Variants in RSRP1 observed in about 807,000 individuals in gnomAD.
RSRP1 encodes arginine and serine rich protein 1, also known as arginine/serine-rich protein 1.
In RSRP1, 37 loss-of-function variants were observed where a neutral mutation model predicts 33.0. The ratio of observed to expected loss-of-function variants is 1.12; its 90% CI spans 0.86 to 1.48. RSRP1 has a LOEUF of 1.48. Ranked by LOEUF, RSRP1 falls within the 40% of genes most tolerant of loss-of-function variation. RSRP1 has a pLI of 0.00. For synonymous variants in RSRP1, 167 were observed against 158.7 expected (o/e 1.05, Z -0.40); for missense variants, 402 against 385.3 (o/e 1.04, Z -0.36).
intron 1 of RSRP1, chr1:25,337,250 A>T (rs1428419039): frequency 6.6e-6 from 1 of 151,828 alleles, no homozygotes; most frequent in Admixed American, 6.6e-5. Flanking sequence ...CACCTCCCGG[A>T]CCGGCGGCTG....
At position 25,244,320 on chromosome 1, in the gene RSRP1, A is replaced by T. The variant is rs1285046776; in HGVS notation, c.673-687T>A. The T allele has an allele frequency of 1.9e-5, 25 of 1,287,850 alleles. No individual in the cohort carries two copies. In the South Asian group the frequency reaches 2.8e-4, roughly 15 times the overall value. 79.8% of individuals were successfully genotyped at this position (1,287,850 alleles called of 1,614,324 possible). A position where few individuals can be genotyped will look rare whatever the true frequency, so the allele number is the denominator to read the frequency against. On this transcript the variant is annotated intron_variant, in intron 3 of 4. Coordinates refer to ENST00000243189, the MANE Select transcript of RSRP1 (RefSeq NM_020317.5). ...TTTGCTTAGTTTAAAAATTGACTTT[A>T]ATACTTTATGCAAATAGTGCCTGTC...
In RSRP1 at chr1:25,287,395, T is replaced by C. The variant is rs1302769677; in HGVS notation, c.-66-40366A>G. 1.3e-4 allele frequency among the ~76,000 whole-genome samples: 17 copies of C among 135,234 alleles called. 3 individuals carry two copies. The highest frequency in any genetic ancestry group is 4.1e-4 in the African/African-American group (16 of 39,188). The allele number at this position is 135,234 out of a possible 152,430, so 88.7% of individuals were successfully genotyped here. A position where few individuals can be genotyped will look rare whatever the true frequency, so the allele number is the denominator to read the frequency against. On this transcript the variant is annotated intron_variant, in intron 1 of 1. Coordinates refer to the RSRP1 transcript ENST00000561867. Reference sequence around the variant, plus strand: ...GGAGAGAAGTCACTCGCAGCCTGAGTGAACTCCCCTGCCCCACCCCTGACT... The same window carrying C: ...GGAGAGAAGTCACTCGCAGCCTGAGCGAACTCCCCTGCCCCACCCCTGACT...
At position 25,290,862 on chromosome 1, in the gene RSRP1, G is replaced by C. The variant is rs768386497; in HGVS notation, c.-66-43833C>G. ...AAGCTCCATTTGGTGGGGTTTCCAG[G>C]GTTTTGAAAAATAAAGACAACCTGT... On this transcript the variant is annotated intron_variant, in intron 1 of 1. Coordinates refer to the RSRP1 transcript ENST00000561867. 186 of 1,328,554 alleles carry C rather than the reference G, an allele frequency of 1.4e-4. 50 individuals are homozygous for C. The highest frequency in any genetic ancestry group is 1.9e-4 in the Non-Finnish European group (181 of 934,402). 82.3% of individuals were successfully genotyped at this position (1,328,554 alleles called of 1,614,324 possible). A position where few individuals can be genotyped will look rare whatever the true frequency, so the allele number is the denominator to read the frequency against.
chr1:25,249,313 G>T (rs1245355832), upstream of RSRP1, among the ~76,000 whole-genome samples: 1 of 152,080 alleles, frequency 6.6e-6, no homozygotes, highest in African/African-American at 2.4e-5. Flanking sequence ...CAGTCAATGT[G>T]TGCCTAAAAA....
intron 4 of RSRP1, among the ~76,000 whole-genome samples, chr1:25,243,058 C>T (rs1638999846): frequency 6.6e-6 from 1 of 152,036 alleles, no homozygotes; most frequent in South Asian, 2.1e-4. Flanking sequence ...TGCACCACTA[C>T]ACTCCAGCCT....
chr1:25,302,662 A>G lies in RSRP1; in HGVS notation c.-67+35316T>C, dbSNP rs894003771. Among the ~76,000 whole-genome samples the G allele has an allele frequency of 6.2e-5, 8 of 130,080 alleles. 2 individuals carry two copies. The highest frequency in any genetic ancestry group is 1.1e-4 in the African/African-American group (4 of 37,628). 85.3% of individuals were successfully genotyped at this position (130,080 alleles called of 152,430 possible). ...CCCAGGAACAAGGCCCAGCTTATTG[A>G]AACTGGGCCCAGTCACACAGGGTGG... On this transcript the variant is annotated intron_variant, in intron 1 of 1. Coordinates refer to the RSRP1 transcript ENST00000561867.
At chr1:25,268,940 C>A (rs1296713571) in intron 1 of RSRP1, among the ~76,000 whole-genome samples, 1 of 100,492 alleles carries the variant, frequency 1.0e-5, no homozygotes. Flanking sequence ...AAGAGCAAAA[C>A]TTCATCTCAA....
intron 1 of RSRP1, among the ~76,000 whole-genome samples, chr1:25,322,448 C>A (rs867363609): frequency 7.6e-6 from 1 of 132,400 alleles, no homozygotes; most frequent in African/African-American, 2.6e-5. Context: ...TGAGGTGGGG[C>A]GATCACCTGA....
rs1360322601 is a variant in RSRP1, at chr1:25,313,896, A to G, written c.-67+24082T>C. ...TGTGGCCCTGTCATAAATGAATGCC[A>G]GATAGGCAAATAGAGAATCTAAGAA... On this transcript the variant is annotated intron_variant, in intron 1 of 1. Coordinates refer to the RSRP1 transcript ENST00000561867. Among the ~76,000 whole-genome samples, 6 of 133,522 alleles carry G rather than the reference A, an allele frequency of 4.5e-5. 1 individual carries two copies. Among genetic ancestry groups the G allele is most frequent in the East Asian group, 1.9e-4 (1 of 5,138 alleles). The allele number at this position is 133,522 out of a possible 152,430, so 87.6% of individuals were successfully genotyped here.
At chr1:25,310,429 G>T (rs1391343960) in intron 1 of RSRP1, among the ~76,000 whole-genome samples, 2 of 132,458 alleles carry the variant, frequency 1.5e-5, no homozygotes, top group African/African-American at 5.1e-5. Context: ...TCACCAGATG[G>T]TGGCACCATG....
intron 1 of RSRP1, among the ~76,000 whole-genome samples, chr1:25,296,994 T>G (rs1643011959): frequency 7.6e-6 from 1 of 131,912 alleles, no homozygotes; most frequent in African/African-American, 2.6e-5. Context: ...AATGAGAAAT[T>G]GACATTGATA....
At chr1:25,244,166 T>C (rs1571506868) in intron 3 of RSRP1, 2 of 1,288,638 alleles carry the variant, frequency 1.6e-6, no homozygotes, top group East Asian at 5.6e-5. Context: ...TTCTGGAGAA[T>C]TATAATAAAC....
Position 25,278,529 on chromosome 1 carries a change from A to C in RSRP1, c.-66-31500T>G, listed in dbSNP as rs1284090948. Among the ~76,000 whole-genome samples the C allele has an allele frequency of 1.5e-5, 2 of 131,644 alleles. 1 individual carries two copies. Among genetic ancestry groups the C allele is most frequent in the African/African-American group, 5.2e-5 (2 of 38,636 alleles). 86.4% of individuals were successfully genotyped at this position (131,644 alleles called of 152,430 possible). A position where few individuals can be genotyped will look rare whatever the true frequency, so the allele number is the denominator to read the frequency against. On this transcript the variant is annotated intron_variant, in intron 1 of 1. Coordinates refer to the RSRP1 transcript ENST00000561867. ...CACCCAGGGTCATTCATGCATCTGC[A>C]GTTTGGGGTGGGATGGCCTCAGATG...
chr1:25,333,609 G>A lies in RSRP1; in HGVS notation c.-67+4369C>T, dbSNP rs535220334. On this transcript the variant is annotated intron_variant, in intron 1 of 1. Transcript: ENST00000561867. ...CCAGGAGCTAGAGCATGAGGATCTC[G>A]TAGGATTTTATTCTGCAAGGTGAAA... is the stretch of plus-strand genomic sequence containing the variant. Among the ~76,000 whole-genome samples the A allele has an allele frequency of 5.3e-5, 7 of 131,498 alleles. 1 individual carries two copies. In the South Asian group the frequency reaches 9.2e-4, roughly 17 times the overall value. 86.3% of individuals were successfully genotyped at this position (131,498 alleles called of 152,430 possible). A position where few individuals can be genotyped will look rare whatever the true frequency, so the allele number is the denominator to read the frequency against.
intron 1 of RSRP1, among the ~76,000 whole-genome samples, chr1:25,316,578 C>T (rs1644449217): frequency 1.1e-5 from 1 of 90,844 alleles, no homozygotes. Context: ...GCACTCCAGT[C>T]TGGACGACAG....
chr1:25,310,670 T>C (rs1440810694), intron 1 of RSRP1, among the ~76,000 whole-genome samples: 1 of 132,214 alleles, frequency 7.6e-6, no homozygotes, highest in East Asian at 1.9e-4. Context: ...AAAGCCTGTA[T>C]TGTCAAGAAT....
chr1:25,259,614 T>A (rs1287215411), intron 1 of RSRP1, among the ~76,000 whole-genome samples: 1 of 152,148 alleles, frequency 6.6e-6, no homozygotes, highest in African/African-American at 2.4e-5. Context: ...GTGATTCTCC[T>A]GCCTCAGCCT....
In RSRP1 at chr1:25,279,914, A is replaced by C. The variant is rs1443300772; in HGVS notation, c.-66-32885T>G. ...GCTTATCAAACCAGCAGCTGATGTG[A>C]GTGCAGAGCAGACTGTGAGAGGTGG... On this transcript the variant is annotated intron_variant, in intron 1 of 1. Transcript: ENST00000561867. Among the ~76,000 whole-genome samples, 2 of 128,734 alleles carry C rather than the reference A, an allele frequency of 1.6e-5. 1 individual carries two copies. The highest frequency in any genetic ancestry group is 5.4e-5 in the African/African-American group (2 of 36,848). The allele number at this position is 128,734 out of a possible 152,430, so 84.5% of individuals were successfully genotyped here. A position where few individuals can be genotyped will look rare whatever the true frequency, so the allele number is the denominator to read the frequency against.
Position 25,305,670 on chromosome 1 carries a change from A to G in RSRP1, c.-67+32308T>C, listed in dbSNP as rs1272423698. Among the ~76,000 whole-genome samples, 13 of 128,802 alleles carry G rather than the reference A, an allele frequency of 1.0e-4. 2 individuals are homozygous for G. Among genetic ancestry groups the G allele is most frequent in the African/African-American group, 3.0e-4 (11 of 37,144 alleles). The allele number at this position is 128,802 out of a possible 152,430, so 84.5% of individuals were successfully genotyped here. A position where few individuals can be genotyped will look rare whatever the true frequency, so the allele number is the denominator to read the frequency against. ...GGCTGGAGTGCAGTGGCGCCATCTC[A>G]GCTTACTGCAAGCTCCGCCTCCCGG... is the stretch of plus-strand genomic sequence containing the variant. On this transcript the variant is annotated intron_variant, in intron 1 of 1. Transcript: ENST00000561867.
Sources: gnomAD v4.1 joint callset for allele counts (sites outside exome capture counted in the v4.1 genomes callset) on GRCh38, gnomAD v4.1.1 for gene constraint, MANE v1.5 for transcripts, NCBI Gene and HGNC (gene_info 2026-07-23, HGNC 2026-07-21) for gene names.